Variants in ZBTB2 observed in about 807,000 individuals in gnomAD.
The protein encoded by ZBTB2 is zinc finger and BTB domain containing 2, also known as zinc finger and BTB domain-containing protein 2.
In ZBTB2, 2 loss-of-function variants were observed where a neutral mutation model predicts 39.5. The ratio of observed to expected loss-of-function variants is 0.05; its 90% CI spans 0.02 to 0.16. ZBTB2 has a LOEUF of 0.16. Ranked by LOEUF, ZBTB2 falls within the 10% of genes least tolerant of loss-of-function variation. The pLI, the probability that ZBTB2 is intolerant of heterozygous loss-of-function variation, is 1.00. For synonymous variants in ZBTB2, 251 were observed against 256.6 expected, an observed-to-expected ratio of 0.98 and a Z score of 0.21; for missense variants, 391 against 653.0, an observed-to-expected ratio of 0.60 and a Z score of 4.37.
Position 151,366,308 on chromosome 6 carries a change from T to C in ZBTB2, c.758A>G (p.Tyr253Cys), listed in dbSNP as rs1778647741. ...CCGTCCACACAGGTGGCAGGCATAGTACTTTGGAAAGCTCCCATTCCTCTT... is the reference window on the plus strand; with the variant it reads ...CCGTCCACACAGGTGGCAGGCATAGCACTTTGGAAAGCTCCCATTCCTCTT... The part of the protein sequence containing the change: ...IMKRNGSFPK[Y>C]YACHLCGRRF... Residue 253 changes from tyrosine to cysteine, a missense_variant, in exon 3 of 3, where the codon TAC becomes TGC. Tyr to Cys is a radical substitution (Grantham distance 194, BLOSUM62 -2). Around this residue, in one of 7 missense-constraint regions of ZBTB2, gnomAD observed 80 missense variants for 125.2 expected, o/e 0.64. Coordinates refer to ENST00000325144, the MANE Select transcript of ZBTB2 (RefSeq NM_020861.3). The surrounding 1 kb of genome is among the most constrained non-coding windows in gnomAD (Gnocchi z 7.1). 5 of 1,613,960 alleles carry C rather than the reference T, an allele frequency of 3.1e-6. No individual in the cohort carries two copies. Among genetic ancestry groups the C allele is most frequent in the Non-Finnish European group, 4.2e-6 (5 of 1,180,010 alleles).
intron 2 of ZBTB2, among the ~76,000 whole-genome samples, chr6:151,368,464 GT>G (rs1275429740): frequency 4.3e-5 from 6 of 138,596 alleles, no homozygotes; most frequent in Non-Finnish European, 9.5e-5. Flanking sequence ...GTTGTTTTTT[GT>G]TTTGTTTTGA....
At chr6:151,369,874 C>T (rs115629198) in intron 2 of ZBTB2, among the ~76,000 whole-genome samples, 3,744 of 152,140 alleles carry the variant, frequency 0.025, 166 homozygotes, top group African/African-American at 0.085. Context: ...TGGGATCGCA[C>T]TCCAGCCTGG....
intron 1 of ZBTB2, among the ~76,000 whole-genome samples, chr6:151,390,441 TGCGCGC>T (rs774767321): frequency 5.4e-5 from 8 of 148,330 alleles, no homozygotes; most frequent in African/African-American, 1.7e-4. Context: ...CAGTCCCGCG[TGCGCGC>T]GCGCGCTCGC....
chr6:151,381,992 C>T (rs1392988900), intron 1 of ZBTB2, among the ~76,000 whole-genome samples: 3 of 152,164 alleles, frequency 2.0e-5, no homozygotes, highest in Non-Finnish European at 2.9e-5. Context: ...AAAGGTACTT[C>T]CACAAATCTA....
intron 1 of ZBTB2, among the ~76,000 whole-genome samples, chr6:151,374,948 A>C (rs1463265258): frequency 2.0e-5 from 3 of 150,400 alleles, no homozygotes; most frequent in African/African-American, 4.9e-5. Flanking sequence ...AAAAAAAAAA[A>C]AAAAAACAAC....
In ZBTB2 at chr6:151,366,427, G is replaced by T; in HGVS notation, c.639C>A (p.Pro213=). 1 of 1,614,094 alleles carries T rather than the reference G, an allele frequency of 6.2e-7. No individual in the cohort carries two copies. Among genetic ancestry groups the T allele is most frequent in the Non-Finnish European group, 8.5e-7 (1 of 1,180,012 alleles). ...SPELVSTPVP[P]PPPGEETNLE... ...GATTGGTCTCCTCCCCGGGAGGAGGGGGAGGAACAGGAGTGGAAACAAGTT... is the reference window on the plus strand; with the variant it reads ...GATTGGTCTCCTCCCCGGGAGGAGGTGGAGGAACAGGAGTGGAAACAAGTT... Residue 213 remains proline (P), a synonymous_variant, in exon 3 of 3, where the codon CCC becomes CCA. Transcript: ENST00000325144. The surrounding 1 kb of genome is among the most constrained non-coding windows in gnomAD (Gnocchi z 7.1).
intron 1 of ZBTB2, among the ~76,000 whole-genome samples, chr6:151,387,363 A>G (rs1779181467): frequency 1.5e-5 from 1 of 67,438 alleles, no homozygotes; most frequent in Non-Finnish European, 2.5e-5. Flanking sequence ...AACACTGAGA[A>G]GACATTTTGT....
chr6:151,388,992 G>C (rs947533156), intron 1 of ZBTB2, among the ~76,000 whole-genome samples: 1 of 152,130 alleles, frequency 6.6e-6, no homozygotes, highest in Admixed American at 6.5e-5. Flanking sequence ...TGGCACCGGC[G>C]TATCACTTCT....
intron 1 of ZBTB2, among the ~76,000 whole-genome samples, chr6:151,383,831 G>C (rs1392615448): frequency 6.6e-6 from 1 of 152,176 alleles, no homozygotes; most frequent in Non-Finnish European, 1.5e-5. Context: ...CCTGGTGCAT[G>C]TGTGAACGAG....
intron 1 of ZBTB2, among the ~76,000 whole-genome samples, chr6:151,390,270 C>G (rs1254430467): frequency 1.3e-5 from 2 of 148,732 alleles, no homozygotes; most frequent in African/African-American, 2.5e-5. Flanking sequence ...ACAGCCACCT[C>G]GTCCCACCCG....
At chr6:151,385,635 T>G (rs755933779) in intron 1 of ZBTB2, among the ~76,000 whole-genome samples, 71 of 152,326 alleles carry the variant, frequency 4.7e-4, no homozygotes, top group Non-Finnish European at 3.2e-4. Flanking sequence ...TCCTCTGAAG[T>G]CCTTGATTTT....
At chr6:151,373,127 C>A (rs9479020) in intron 2 of ZBTB2, among the ~76,000 whole-genome samples, 17,634 of 129,092 alleles carry the variant, frequency 0.14, 1,529 homozygotes, top group East Asian at 0.37. Flanking sequence ...TGCACTCCAG[C>A]CTAGGCGACA....
rs1778612690 is a variant in ZBTB2, at chr6:151,365,036, T to A, written c.*485A>T. On this transcript the variant is annotated 3_prime_UTR_variant, in exon 3 of 3. Transcript: ENST00000325144. The surrounding 1 kb of genome is among the most constrained non-coding windows in gnomAD (Gnocchi z 5.6). The stretch of plus-strand genomic sequence containing the variant: ...ATTCTGAAGTAAGACACCTGGAGGA[T>A]GAATACTAAGAACGTTTTCTTGGGT... The A allele has an allele frequency of 6.5e-6, 1 of 154,630 alleles. No homozygotes were observed. Among genetic ancestry groups the A allele is most frequent in the Non-Finnish European group, 1.4e-5 (1 of 69,338 alleles). The allele number at this position is 154,630 out of a possible 1,614,324, so 9.6% of individuals were successfully genotyped here. A position where few individuals can be genotyped will look rare whatever the true frequency, so the allele number is the denominator to read the frequency against.
In ZBTB2 at chr6:151,366,928, G is replaced by C; in HGVS notation, c.174-36C>G. The C allele has an allele frequency of 6.4e-7, 1 of 1,563,222 alleles. No individual in the cohort carries two copies. Among genetic ancestry groups the C allele is most frequent in the Non-Finnish European group, 8.7e-7 (1 of 1,155,206 alleles). ...CAAGTAAAAAAATACGTGAGTAAAT[G>C]CCAGTCTAGGTGTTAACATAAAGCC... is the stretch of plus-strand genomic sequence containing the variant. On this transcript the variant is annotated intron_variant, in intron 2 of 2. Transcript: ENST00000325144. This position sits in a 1 kb window ranked among gnomAD's most constrained non-coding sequence, Gnocchi z 7.1.
chr6:151,383,071 C>CCCACCACA, intron 1 of ZBTB2, among the ~76,000 whole-genome samples: 1 of 151,258 alleles, frequency 6.6e-6, no homozygotes, highest in South Asian at 2.1e-4. Flanking sequence ...ATTATAGGCA[C>CCCACCACA]CCACCACACC....
Position 151,366,535 on chromosome 6 carries a change from G to C in ZBTB2, c.531C>G (p.Leu177=). 1 of 1,614,140 alleles carries C rather than the reference G, an allele frequency of 6.2e-7. No homozygotes were observed. ...SQEQVPEASQ[L]SQLTSNLAQV... ...GGGCCAGATTTGAAGTCAGCTGGGA[G>C]AGCTGTGAGGCCTCAGGGACCTGCT... The change falls in exon 3 of 3, where the codon CTC becomes CTG. Residue 177 remains leucine (L), a synonymous_variant. Transcript: ENST00000325144. The surrounding 1 kb of genome is among the most constrained non-coding windows in gnomAD (Gnocchi z 7.1).
chr6:151,376,279 G>A (rs556089036), intron 1 of ZBTB2, among the ~76,000 whole-genome samples: 4 of 152,136 alleles, frequency 2.6e-5, no homozygotes, highest in African/African-American at 9.7e-5. Flanking sequence ...TCTAGGGCTA[G>A]TCAAAGAGTT....
At chr6:151,383,647 A>C (rs1779089787) in intron 1 of ZBTB2, among the ~76,000 whole-genome samples, 1 of 152,068 alleles carries the variant, frequency 6.6e-6, no homozygotes, top group South Asian at 2.1e-4. Context: ...GGCAGCCTGA[A>C]CTCTAAAGGG....
intron 1 of ZBTB2, among the ~76,000 whole-genome samples, chr6:151,381,373 T>C (rs1188525806): frequency 6.6e-6 from 1 of 151,784 alleles, no homozygotes; most frequent in Non-Finnish European, 1.5e-5. Flanking sequence ...ATACAAAAAT[T>C]AGCCTGGCAT....
Sources: allele counts gnomAD v4.1 joint callset (sites outside exome capture counted in the v4.1 genomes callset), GRCh38; gene constraint gnomAD v4.1.1; regional missense constraint gnomAD v4.1.1; non-coding constraint Gnocchi (gnomAD v3.1); transcripts MANE v1.5; gene names NCBI Gene and HGNC (gene_info 2026-07-23, HGNC 2026-07-21).